MYO3A: variants seen among roughly 807,000 people sequenced by gnomAD.
The protein encoded by MYO3A is myosin-IIIa.
Under a neutral mutation model 192.7 loss-of-function variants are expected in MYO3A, and 180 were observed. That is an observed-to-expected ratio of 0.93 (90% confidence interval 0.83 to 1.06). MYO3A has a LOEUF of 1.06. Among genes scored for constraint, MYO3A ranks in the 50% least tolerant of loss-of-function variants. The pLI, the probability that MYO3A is intolerant of heterozygous loss-of-function variation, is 0.00. For missense variants in MYO3A, 1,896 were observed against 1,905.0 expected (o/e 1.00, Z 0.09); for synonymous variants, 628 against 645.3 (o/e 0.97, Z 0.41).
chr10:26,192,290 C>G (rs1415522887), intron 31 of MYO3A, among the ~76,000 whole-genome samples: 1 of 152,128 alleles, frequency 6.6e-6, no homozygotes, highest in African/African-American at 2.4e-5. Flanking sequence ...AATGTCATAT[C>G]TAAAACAGCT....
intron 20 of MYO3A, among the ~76,000 whole-genome samples, chr10:26,142,682 G>A (rs2131841507): frequency 6.6e-6 from 1 of 152,318 alleles, no homozygotes; most frequent in Admixed American, 6.5e-5. Context: ...GAGCCGAGAT[G>A]AACCTATGTG....
At chr10:26,181,875 T>C (rs1405768680) in intron 31 of MYO3A, among the ~76,000 whole-genome samples, 1 of 151,140 alleles carries the variant, frequency 6.6e-6, no homozygotes, top group Non-Finnish European at 1.5e-5. Flanking sequence ...AAAAAAAAAT[T>C]GTGTATATGG....
chr10:26,185,596 T>C (rs1320251699), intron 31 of MYO3A, among the ~76,000 whole-genome samples: 2 of 152,080 alleles, frequency 1.3e-5, no homozygotes, highest in Non-Finnish European at 2.9e-5. Context: ...CGCCTCGGCC[T>C]CCCAAAGTGC....
chr10:26,124,159 A>G (rs1353410034), intron 18 of MYO3A, among the ~76,000 whole-genome samples: 1 of 143,068 alleles, frequency 7.0e-6, no homozygotes, highest in Non-Finnish European at 1.5e-5. Context: ...GTAGCACACC[A>G]GCTTGGATGA....
At chr10:26,001,421 G>A (rs766565058) in intron 6 of MYO3A, among the ~76,000 whole-genome samples, 1 of 152,228 alleles carries the variant, frequency 6.6e-6, no homozygotes, top group African/African-American at 2.4e-5. Context: ...GATCCCCTGG[G>A]CCAGCTCTGC....
At position 26,084,914 on chromosome 10, in the gene MYO3A, A is replaced by G. The variant is rs995001715; in HGVS notation, c.1360-3289A>G. 3.9e-5 allele frequency among the ~76,000 whole-genome samples: 6 copies of G among 152,110 alleles called. No individual in the cohort carries two copies. In the East Asian group the frequency reaches 1.2e-3, roughly 29 times the overall value. On this transcript the variant is annotated intron_variant, in intron 14 of 34. Transcript: ENST00000642920. Reference sequence around the variant, plus strand: ...TTATCCTAGGCTTTTCTTTGTTGGGAGGTTTTGATTACTTCTTCAATTTCT... The same window carrying G: ...TTATCCTAGGCTTTTCTTTGTTGGGGGGTTTTGATTACTTCTTCAATTTCT...
intron 2 of MYO3A, among the ~76,000 whole-genome samples, chr10:25,939,410 T>A (rs1311579359): frequency 6.6e-6 from 1 of 152,024 alleles, no homozygotes; most frequent in South Asian, 2.1e-4. Context: ...TATATAATTT[T>A]AGCTTTTCTT....
At chr10:26,103,895 G>A (rs11014959) in intron 17 of MYO3A, among the ~76,000 whole-genome samples, 57,382 of 151,968 alleles carry the variant, frequency 0.38, 11,290 homozygotes, top group Middle Eastern at 0.52. Context: ...TAGTGAATGT[G>A]AAGTGGTATC....
In MYO3A at chr10:26,188,980, T is replaced by G. The variant is rs981397714; in HGVS notation, c.4439-4225T>G. 1.1e-4 allele frequency among the ~76,000 whole-genome samples: 16 copies of G among 152,352 alleles called. No individual in the cohort carries two copies. The East Asian group carries it at 3.1e-3, about 29-fold the overall frequency. On this transcript the variant is annotated intron_variant, in intron 31 of 34. Coordinates refer to ENST00000642920, the MANE Select transcript of MYO3A (RefSeq NM_017433.5). ...TGACTTGGCAATGTGGGCTCTTTTTTGGTTCCATATGAACTTTAAAGTTGT... is the reference window on the plus strand; with the variant it reads ...TGACTTGGCAATGTGGGCTCTTTTTGGGTTCCATATGAACTTTAAAGTTGT...
chr10:26,178,790 GTTTATTTA>G (rs530044620), intron 31 of MYO3A, among the ~76,000 whole-genome samples: 6 of 151,694 alleles, frequency 4.0e-5, no homozygotes, highest in Non-Finnish European at 5.9e-5. Flanking sequence ...TGCTTTAAAT[GTTTATTTA>G]TTTATTTATT....
At chr10:26,164,720 A>C (rs1409682978) in intron 26 of MYO3A, among the ~76,000 whole-genome samples, 10 of 152,202 alleles carry the variant, frequency 6.6e-5, no homozygotes, top group Admixed American at 6.5e-4. Flanking sequence ...ATAGAGACGC[A>C]GATGATTGGC....
chr10:26,094,683 C>T (rs1836905618), intron 15 of MYO3A, among the ~76,000 whole-genome samples: 1 of 152,068 alleles, frequency 6.6e-6, no homozygotes, highest in Non-Finnish European at 1.5e-5. Context: ...CTCGGCCTCC[C>T]GAAGTGCTGG....
At chr10:26,206,855 C>G (rs1039265567) in intron 34 of MYO3A, among the ~76,000 whole-genome samples, 2 of 152,192 alleles carry the variant, frequency 1.3e-5, no homozygotes, top group Non-Finnish European at 2.9e-5. Flanking sequence ...CCCACCTTTG[C>G]GAACATTTGT....
rs566257475 is a variant in MYO3A at position 25,978,307 on chromosome 10, G to T, written c.304-18183G>T. ...ACCCAAGACTGGGCAATTTATGAAA[G>T]AAAAAGGTTTAATTGTACTTACACA... On this transcript the variant is annotated intron_variant, in intron 4 of 34. Transcript: ENST00000642920. Among the ~76,000 whole-genome samples, 13 of 152,278 alleles carry T rather than the reference G, an allele frequency of 8.5e-5. No homozygotes were observed. In the South Asian group the frequency reaches 2.7e-3, roughly 32 times the overall value.
At chr10:26,043,561 T>A (rs958377281) in intron 10 of MYO3A, among the ~76,000 whole-genome samples, 14 of 152,096 alleles carry the variant, frequency 9.2e-5, no homozygotes, top group Non-Finnish European at 1.8e-4. Context: ...ACCTCCCCTT[T>A]CCACAGGCAG....
intron 4 of MYO3A, among the ~76,000 whole-genome samples, chr10:25,981,338 C>T (rs898454173): frequency 6.6e-6 from 1 of 151,756 alleles, no homozygotes; most frequent in African/African-American, 2.4e-5. Flanking sequence ...GTATGTAAAA[C>T]TGAAAACTAT....
chr10:26,118,635 T>G (rs1179749136), intron 17 of MYO3A, among the ~76,000 whole-genome samples: 2 of 152,082 alleles, frequency 1.3e-5, no homozygotes, highest in Non-Finnish European at 2.9e-5. Flanking sequence ...TCAAAGCTTT[T>G]TTTTTTTTTT....
rs1399722957 is a variant in MYO3A, at chr10:26,169,425, G to A, written c.3274+551G>A. On this transcript the variant is annotated intron_variant, in intron 28 of 34. Coordinates refer to ENST00000642920, the MANE Select transcript of MYO3A (RefSeq NM_017433.5). ...GATAGAGCTTGTCACAGCCTAGTAT[G>A]CTCTCTTTCAAATTTTTTTGACTGG... Among the ~76,000 whole-genome samples the A allele has an allele frequency of 3.3e-5, 5 of 151,970 alleles. No individual in the cohort carries two copies. The East Asian group carries it at 9.6e-4, about 29-fold the overall frequency.
At chr10:26,188,200 G>A (rs1324575152) in intron 31 of MYO3A, among the ~76,000 whole-genome samples, 1 of 152,162 alleles carries the variant, frequency 6.6e-6, no homozygotes, top group African/African-American at 2.4e-5. Flanking sequence ...GGCGTGAGGT[G>A]GTATCTCATT....
Sources: gnomAD v4.1 joint callset for allele counts (sites outside exome capture counted in the v4.1 genomes callset) on GRCh38, gnomAD v4.1.1 for gene constraint, MANE v1.5 for transcripts, NCBI Gene and HGNC (gene_info 2026-07-23, HGNC 2026-07-21) for gene names.